The following PMM1 variants were observed in gnomAD, a reference collection of about 807,000 sequenced individuals.
PMM1 encodes the protein phosphomannomutase 1.
Under a neutral mutation model 34.0 loss-of-function variants are expected in PMM1, and 25 were observed. That is an observed-to-expected ratio of 0.73 (90% CI 0.54 to 1.03). The LOEUF (loss-of-function observed/expected upper bound fraction) is 1.03. Among genes scored for constraint, PMM1 ranks in the 50% least tolerant of loss-of-function variants. The probability of loss-of-function intolerance (pLI) is 0.00; values close to 1 mark genes in which losing one functional copy is unlikely to be tolerated. For synonymous variants in PMM1, 134 were observed against 143.9 expected, an observed-to-expected ratio of 0.93 and a Z score of 0.49; for missense variants, 321 against 350.1, an observed-to-expected ratio of 0.92 and a Z score of 0.66.
At position 41,577,068 on chromosome 22, in the gene PMM1, C is replaced by G. The variant is rs539330397; in HGVS notation, c.*250G>C. The G allele has an allele frequency of 1.6e-5, 9 of 557,818 alleles. No homozygotes were observed. The Admixed American group carries it at 2.5e-4, about 15-fold the overall frequency. The allele number at this position is 557,818 out of a possible 1,614,324, so 34.6% of individuals were successfully genotyped here. A position where few individuals can be genotyped will look rare whatever the true frequency, so the allele number is the denominator to read the frequency against. On this transcript the variant is annotated 3_prime_UTR_variant, in exon 8 of 8. Coordinates refer to ENST00000216259, the MANE Select transcript of PMM1 (RefSeq NM_002676.3). Reference sequence around the variant, plus strand: ...AACCTCTTCTGTACCGAAATACAAGCAGCAGCTGTGGCCTGGGCCACCAGG... The same window carrying G: ...AACCTCTTCTGTACCGAAATACAAGGAGCAGCTGTGGCCTGGGCCACCAGG...
chr22:41,586,199 G>A lies in PMM1; in HGVS notation c.88-6C>T, dbSNP rs778969407. ...GCCACCTCAGGGTCAATTTTCTATG[G>A]GGGGAGAGGGGAAGCATAGCATTCT... On this transcript the variant is annotated splice_polypyrimidine_tract_variant and splice_region_variant and intron_variant, in intron 1 of 7. Coordinates refer to ENST00000216259, the MANE Select transcript of PMM1 (RefSeq NM_002676.3). 1.1e-5 allele frequency: 18 copies of A among 1,606,198 alleles called. No homozygotes were observed. The highest frequency in any genetic ancestry group is 1.4e-5 in the Non-Finnish European group (16 of 1,179,342).
chr22:41,589,825 G>A lies in PMM1; in HGVS notation c.-20C>T. On this transcript the variant is annotated 5_prime_UTR_variant, in exon 1 of 8. Coordinates refer to ENST00000216259, the MANE Select transcript of PMM1 (RefSeq NM_002676.3). ...TGCCATGGCTGCAGGTCCGCGCGCGGGGCGGAGTCCCGAAGATGCAACGGC... is the reference window on the plus strand; with the variant it reads ...TGCCATGGCTGCAGGTCCGCGCGCGAGGCGGAGTCCCGAAGATGCAACGGC... The A allele has an allele frequency of 6.3e-7, 1 of 1,589,912 alleles. No homozygotes were observed.
Position 41,584,250 on chromosome 22 carries a change from G to T in PMM1, c.374+31C>A, listed in dbSNP as rs373556843. 12 of 1,595,342 alleles carry T rather than the reference G, an allele frequency of 7.5e-6. No homozygotes were observed. In the African/African-American group the frequency reaches 1.6e-4, roughly 21 times the overall value. ...CACACTTCTCCTCCCTCAGGCCCCA[G>T]GTTCTGGAGACCAGGCTGGTGGGAC... On this transcript the variant is annotated intron_variant, in intron 4 of 7. Transcript: ENST00000216259.
chr22:41,581,670 A>C (rs1160883625), intron 5 of PMM1, among the ~76,000 whole-genome samples: 1 of 152,104 alleles, frequency 6.6e-6, no homozygotes, highest in Non-Finnish European at 1.5e-5. Context: ...CCTGGGCAAC[A>C]CGGTGAAACC....
At chr22:41,578,290 G>A (rs1214910919) in intron 6 of PMM1, among the ~76,000 whole-genome samples, 11 of 152,182 alleles carry the variant, frequency 7.2e-5, no homozygotes, top group African/African-American at 2.4e-4. Context: ...GGGAGGACGG[G>A]CAGGCCCTGG....
chr22:41,577,771 A>G, intron 7 of PMM1, 37 bp downstream of exon 7: 3 of 1,507,382 alleles, frequency 2.0e-6, no homozygotes, highest in Non-Finnish European at 2.8e-6. Flanking sequence ...CTCACTGTCC[A>G]CTGCGTTAGG....
At chr22:41,585,038 G>C (rs941427053) in intron 2 of PMM1, 11 of 155,822 alleles carry the variant, frequency 7.1e-5, no homozygotes, top group African/African-American at 2.7e-4. Flanking sequence ...GGGAGAGTTG[G>C]AGGTTTCAGC....
chr22:41,589,784 C>T lies in PMM1; in HGVS notation c.22G>A (p.Ala8Thr), dbSNP rs369148969. Reference protein sequence around the residue: MAVTAQAARRKERVLCLF... With the variant: MAVTAQATRRKERVLCLF... ...CAGAGGACGCGCTCCTTCCTGCGGG[C>T]TGCCTGGGCGGTGACTGCCATGGCT... The change falls in exon 1 of 8, where the codon GCC becomes ACC. Residue 8 changes from alanine to threonine, a missense_variant. Physicochemically the swap from Ala to Thr is moderately conservative, Grantham distance 58 (BLOSUM62 0). Transcript: ENST00000216259. 7 of 1,609,172 alleles carry T rather than the reference C, an allele frequency of 4.4e-6. No homozygotes were observed. The highest frequency in any genetic ancestry group is 4.0e-5 in the African/African-American group (3 of 74,908).
In PMM1 at chr22:41,584,563, C is replaced by G. The variant is rs146168181; in HGVS notation, c.246G>C (p.Thr82=). The change falls in exon 3 of 8, where the codon ACG becomes ACC. Residue 82 remains threonine (T), a synonymous_variant. Coordinates refer to ENST00000216259, the MANE Select transcript of PMM1 (RefSeq NM_002676.3). ...GCAGTCGTCCGTGCTTATACTGCAC[C>G]GTCCCGTTCTCGGCAAACACATAAT... ...KFDYVFAENG[T]VQYKHGRLLS... 1 of 1,613,884 alleles carries G rather than the reference C, an allele frequency of 6.2e-7. No homozygotes were observed. Among genetic ancestry groups the G allele is most frequent in the African/African-American group, 1.3e-5 (1 of 75,010 alleles).
At chr22:41,587,337 G>A (rs911729405) in intron 1 of PMM1, among the ~76,000 whole-genome samples, 6 of 151,448 alleles carry the variant, frequency 4.0e-5, no homozygotes, top group Admixed American at 2.6e-4. Context: ...CTACTCAGGA[G>A]GCTGAGGCAG....
chr22:41,584,133 C>T, intron 4 of PMM1, 75 bp from the exon 5 acceptor site: 3 of 1,354,934 alleles, frequency 2.2e-6, no homozygotes, highest in South Asian at 2.3e-5. Flanking sequence ...CACCTGGGAC[C>T]CCAGCCTCCT....
At chr22:41,587,973 T>C (rs1209240671) in intron 1 of PMM1, among the ~76,000 whole-genome samples, 6 of 152,240 alleles carry the variant, frequency 3.9e-5, no homozygotes, top group Non-Finnish European at 8.8e-5. Context: ...CAGGTTGTTA[T>C]GTTTGTGGAG....
At position 41,587,845 on chromosome 22, in the gene PMM1, G is replaced by A. The variant is rs77624887; in HGVS notation, c.88-1652C>T. Among the ~76,000 whole-genome samples, 723 of 152,262 alleles carry A rather than the reference G, an allele frequency of 4.7e-3. 4 individuals carry two copies. Among genetic ancestry groups the A allele is most frequent in the African/African-American group, 0.017 (689 of 41,540 alleles). On this transcript the variant is annotated intron_variant, in intron 1 of 7. Transcript: ENST00000216259. ...AGTGGACTTTACCCTTCTCTGTTAC[G>A]TTTCCATTCTTTACCAGGAGAGTGT...
chr22:41,583,171 G>A (rs528838682), intron 5 of PMM1, among the ~76,000 whole-genome samples: 4 of 152,118 alleles, frequency 2.6e-5, no homozygotes, highest in African/African-American at 7.2e-5. Context: ...GGGTGAATGC[G>A]GCTGACATGT....
In PMM1 at chr22:41,589,784, C is replaced by A. The variant is rs369148969; in HGVS notation, c.22G>T (p.Ala8Ser). The change falls in exon 1 of 8, where the codon GCC becomes TCC. Residue 8 changes from alanine to serine, a missense_variant. Physicochemically the swap from Ala to Ser is moderately conservative, Grantham distance 99 (BLOSUM62 1). Coordinates refer to ENST00000216259, the MANE Select transcript of PMM1 (RefSeq NM_002676.3). MAVTAQA[A>S]RRKERVLCLF... ...CAGAGGACGCGCTCCTTCCTGCGGG[C>A]TGCCTGGGCGGTGACTGCCATGGCT... 3.9e-5 allele frequency: 63 copies of A among 1,609,286 alleles called. No homozygotes were observed. In the East Asian group the frequency reaches 8.9e-4, roughly 23 times the overall value.
At chr22:41,589,559 A>T in intron 1 of PMM1, 160 bp downstream of exon 1, 1 of 634,146 alleles carries the variant, frequency 1.6e-6, no homozygotes. Context: ...AGGTCCCCTC[A>T]CTCCCGGTGG....
chr22:41,577,472 T>G (rs757842904), intron 7 of PMM1, 32 bp from the exon 8 acceptor site: 16 of 1,594,428 alleles, frequency 1.0e-5, no homozygotes, highest in Non-Finnish European at 1.0e-5. Flanking sequence ...AGGAGGGATA[T>G]TTAGGTGGAG....
rs553867183 is a variant in PMM1 at position 41,577,226 on chromosome 22, G to C, written c.*92C>G. 3.2e-6 allele frequency: 5 copies of C among 1,558,474 alleles called. No homozygotes were observed. The South Asian group carries it at 4.5e-5, about 14-fold the overall frequency. ...CTTGCAGCAGGCGTCCTGGGCCAGAGGAGGGGCCCTGGCATCTATCCAACA... is the reference window on the plus strand; with the variant it reads ...CTTGCAGCAGGCGTCCTGGGCCAGACGAGGGGCCCTGGCATCTATCCAACA... On this transcript the variant is annotated 3_prime_UTR_variant, in exon 8 of 8. Coordinates refer to ENST00000216259, the MANE Select transcript of PMM1 (RefSeq NM_002676.3).
Position 41,578,664 on chromosome 22 carries a change from C to T in PMM1, c.550+142G>A, listed in dbSNP as rs112531745. On this transcript the variant is annotated intron_variant, in intron 6 of 7. Transcript: ENST00000216259. ...GTAAACACTGAACCCCTTTCTGCAT[C>T]GGGCTCAGCCACCCTCTCTGCCCTG... The T allele has an allele frequency of 4.8e-3, 3,139 of 649,122 alleles. 63 individuals are homozygous for T. The highest frequency in any genetic ancestry group is 0.047 in the African/African-American group (2,600 of 54,838). The allele number at this position is 649,122 out of a possible 1,614,324, so 40.2% of individuals were successfully genotyped here.
Sources: gnomAD v4.1 joint callset for allele counts (sites outside exome capture counted in the v4.1 genomes callset) on GRCh38, gnomAD v4.1.1 for gene constraint, MANE v1.5 for transcripts, NCBI Gene and HGNC (gene_info 2026-07-23, HGNC 2026-07-21) for gene names.